Variants in AFDN observed in about 807,000 individuals in gnomAD.
AFDN encodes afadin, adherens junction formation factor.
Under a neutral mutation model 216.6 loss-of-function variants are expected in AFDN, and 68 were observed. The observed-to-expected ratio is 0.31, with a 90% CI of 0.26 to 0.38. AFDN has a LOEUF of 0.38. Among genes scored for constraint, AFDN ranks in the 10% least tolerant of loss-of-function variants. The probability of loss-of-function intolerance (pLI) is 1.00; values close to 1 mark genes in which losing one functional copy is unlikely to be tolerated. For missense variants in AFDN, 2,136 were observed against 2,342.0 expected, an observed-to-expected ratio of 0.91 and a Z score of 1.82; for synonymous variants, 868 against 853.7, an observed-to-expected ratio of 1.02 and a Z score of -0.29.
intron 6 of AFDN, among the ~76,000 whole-genome samples, chr6:167,881,973 A>C (rs930387555): frequency 6.6e-6 from 1 of 152,228 alleles, no homozygotes; most frequent in African/African-American, 2.4e-5. Flanking sequence ...TTCAGCTTTC[A>C]TGGGACTTGC....
chr6:167,857,865 C>G (rs370215099), intron 1 of AFDN, among the ~76,000 whole-genome samples: 1 of 152,106 alleles, frequency 6.6e-6, no homozygotes, highest in Admixed American at 6.5e-5. Context: ...ATGGCAAAAT[C>G]AGTTATACCC....
intron 17 of AFDN, 139 bp from the exon 18 acceptor site, chr6:167,914,505 G>A (rs1790795618): frequency 1.1e-6 from 1 of 892,770 alleles, no homozygotes; most frequent in African/African-American, 1.7e-5. Context: ...TGAATTCAGT[G>A]AGCTATGTTT....
At chr6:167,907,812 A>G (rs1789899653) in intron 13 of AFDN, among the ~76,000 whole-genome samples, 2 of 151,468 alleles carry the variant, frequency 1.3e-5, no homozygotes, top group African/African-American at 4.9e-5. Flanking sequence ...GTTCTTGCCG[A>G]TTTCTCTGGG....
chr6:167,945,255 C>T (rs1321108992), intron 26 of AFDN, among the ~76,000 whole-genome samples: 1 of 151,988 alleles, frequency 6.6e-6, no homozygotes, highest in Non-Finnish European at 1.5e-5. Flanking sequence ...TCAGGATTAT[C>T]AGTGTCACTG....
intron 26 of AFDN, 31 bp from the exon 27 acceptor site, chr6:167,946,668 ATAAAATCT>A (rs745703274): frequency 9.5e-5 from 149 of 1,572,408 alleles, no homozygotes; most frequent in Non-Finnish European, 1.8e-5. Context: ...GGTGTTGAAA[ATAAAATCT>A]TAAGAGATAC....
intron 6 of AFDN, 65 bp downstream of exon 6, chr6:167,880,582 A>G: frequency 2.0e-6 from 3 of 1,496,362 alleles, no homozygotes; most frequent in African/African-American, 2.8e-5. Context: ...TTTTCTTTAA[A>G]TCAAATTAAA....
rs544094392 is a variant in AFDN at position 167,968,794 on chromosome 6, G to A, written c.5258-320G>A. The A allele has an allele frequency of 5.3e-4, 148 of 279,306 alleles. 4 individuals are homozygous for A. The South Asian group carries it at 7.7e-3, about 15-fold the overall frequency. The allele number at this position is 279,306 out of a possible 1,614,324, so 17.3% of individuals were successfully genotyped here. A position where few individuals can be genotyped will look rare whatever the true frequency, so the allele number is the denominator to read the frequency against. On this transcript the variant is annotated intron_variant, in intron 32 of 33. Transcript: ENST00000683244. ...CAGTAGGAACAGGGCAAATGTTGCC[G>A]ATGGGTTGATGTTACACTCACCCAG...
chr6:167,951,056 T>C lies in AFDN; in HGVS notation c.3832-130T>C. 1 of 1,338,232 alleles carries C rather than the reference T, an allele frequency of 7.5e-7. No individual in the cohort carries two copies. The allele number at this position is 1,338,232 out of a possible 1,614,324, so 82.9% of individuals were successfully genotyped here. ...ACTCCACATTAGCCAATGAGCCTTG[T>C]AGGGCAGTCTCAGTCTCTTTCTGTA... On this transcript the variant is annotated intron_variant, in intron 29 of 33. Coordinates refer to ENST00000683244, the MANE Select transcript of AFDN (RefSeq NM_001386888.1). The surrounding 1 kb of genome is among the most constrained non-coding windows in gnomAD (Gnocchi z 7.1).
intron 8 of AFDN, 128 bp from the exon 9 acceptor site, chr6:167,893,734 T>C: frequency 1.4e-6 from 1 of 721,922 alleles, no homozygotes; most frequent in East Asian, 2.8e-5. Context: ...TTTCTTCCTT[T>C]GAAACGTGTC....
At chr6:167,961,086 C>A (rs1467397616) in intron 30 of AFDN, among the ~76,000 whole-genome samples, 1 of 151,264 alleles carries the variant, frequency 6.6e-6, no homozygotes, top group African/African-American at 2.4e-5. Context: ...AAAATACATA[C>A]AAAATCAATT....
In AFDN at chr6:167,928,126, A is replaced by G. The variant is rs1039912071; in HGVS notation, c.3099+3035A>G. On this transcript the variant is annotated intron_variant, in intron 23 of 33. Transcript: ENST00000683244. The stretch of plus-strand genomic sequence containing the variant: ...TGCAGTACAAAACTATTTGTTTCCT[A>G]TAGATTCAAGTCTAATTTACTTCTG... Among the ~76,000 whole-genome samples the G allele has an allele frequency of 7.9e-5, 12 of 152,330 alleles. No homozygotes were observed. In the South Asian group the frequency reaches 8.3e-4, roughly 11 times the overall value.
intron 1 of AFDN, among the ~76,000 whole-genome samples, chr6:167,846,696 A>T (rs1238734212): frequency 3.5e-5 from 5 of 144,184 alleles, no homozygotes; most frequent in Admixed American, 6.8e-5. Flanking sequence ...TATAATATTT[A>T]AAAAAAAAAC....
At chr6:167,847,769 G>C (rs145710936) in intron 1 of AFDN, among the ~76,000 whole-genome samples, 2,172 of 152,132 alleles carry the variant, frequency 0.014, 27 homozygotes, top group Non-Finnish European at 0.023. Flanking sequence ...TATTTCCCTT[G>C]TCTGCCTTTG....
intron 1 of AFDN, among the ~76,000 whole-genome samples, chr6:167,834,914 CA>C (rs1296688916): frequency 6.6e-6 from 1 of 152,128 alleles, no homozygotes; most frequent in Non-Finnish European, 1.5e-5. Flanking sequence ...CCCAGGAGGT[CA>C]AGGCTGCAGT....
chr6:167,928,187 G>A (rs1427214724), intron 23 of AFDN, among the ~76,000 whole-genome samples: 3 of 152,190 alleles, frequency 2.0e-5, no homozygotes, highest in Non-Finnish European at 2.9e-5. Context: ...ATTCTCTTTC[G>A]CATGATTTCC....
intron 6 of AFDN, among the ~76,000 whole-genome samples, chr6:167,884,993 T>C (rs971672079): frequency 9.9e-5 from 15 of 152,216 alleles, no homozygotes; most frequent in African/African-American, 3.6e-4. Flanking sequence ...CTGCAGCTTC[T>C]CCATTAGCTG....
intron 27 of AFDN, among the ~76,000 whole-genome samples, chr6:167,947,380 C>T (rs541258764): frequency 2.4e-4 from 37 of 152,218 alleles, no homozygotes; most frequent in East Asian, 1.7e-3. Context: ...GGGGTTTCAC[C>T]ATGTTAGCCA....
intron 30 of AFDN, among the ~76,000 whole-genome samples, chr6:167,955,927 C>G (rs1796455145): frequency 6.6e-6 from 1 of 151,698 alleles, no homozygotes; most frequent in African/African-American, 2.4e-5. Context: ...CCAGCCTGAC[C>G]AACATGGTGA....
At chr6:167,879,079 G>A (rs775230500) in intron 5 of AFDN, among the ~76,000 whole-genome samples, 1 of 152,194 alleles carries the variant, frequency 6.6e-6, no homozygotes, top group Non-Finnish European at 1.5e-5. Flanking sequence ...CAGGATGTAA[G>A]CTGTTGAGGC....
Sources: gnomAD v4.1 joint callset for allele counts (sites outside exome capture counted in the v4.1 genomes callset) on GRCh38, gnomAD v4.1.1 for gene constraint, Gnocchi (gnomAD v3.1) non-coding constraint, MANE v1.5 for transcripts, NCBI Gene and HGNC (gene_info 2026-07-23, HGNC 2026-07-21) for gene names.